HPCAL1: variants seen among roughly 807,000 people sequenced by gnomAD.
The protein encoded by HPCAL1 is hippocalcin like 1, also known as hippocalcin-like protein 1.
A neutral mutation model predicts 17.1 loss-of-function variants in HPCAL1; 8 were observed. That is an observed-to-expected ratio of 0.47 (90% CI 0.27 to 0.84). The LOEUF (loss-of-function observed/expected upper bound fraction) is 0.84. Ranked by LOEUF, HPCAL1 falls within the 40% of genes least tolerant of loss-of-function variation. The pLI is 0.13. For synonymous variants in HPCAL1, 112 were observed against 111.4 expected, an observed-to-expected ratio of 1.01 and a Z score of -0.03; for missense variants, 165 against 271.1, an observed-to-expected ratio of 0.61 and a Z score of 2.75.
At chr2:10,376,081 T>C (rs1667537882) in intron 1 of HPCAL1, among the ~76,000 whole-genome samples, 1 of 152,132 alleles carries the variant, frequency 6.6e-6, no homozygotes, top group Admixed American at 6.5e-5. Flanking sequence ...CCTATTCTTT[T>C]GTTCCCACTC....
At chr2:10,372,177 A>G (rs1053808345) in intron 1 of HPCAL1, among the ~76,000 whole-genome samples, 1 of 152,236 alleles carries the variant, frequency 6.6e-6, no homozygotes. Flanking sequence ...TCATTCCTCA[A>G]TCGGGGCTAA....
chr2:10,410,845 C>T (rs374286902), intron 2 of HPCAL1, among the ~76,000 whole-genome samples: 10 of 152,100 alleles, frequency 6.6e-5, no homozygotes, highest in Non-Finnish European at 1.2e-4. Flanking sequence ...TTTGCTCGGT[C>T]GTCTTACTAG....
chr2:10,398,674 C>T (rs1669220573), intron 2 of HPCAL1, among the ~76,000 whole-genome samples: 1 of 152,056 alleles, frequency 6.6e-6, no homozygotes, highest in African/African-American at 2.4e-5. Flanking sequence ...CACCCTCTGC[C>T]CGTCCCCTGC....
At chr2:10,321,921 G>A (rs139398624) in intron 1 of HPCAL1, among the ~76,000 whole-genome samples, 22 of 152,336 alleles carry the variant, frequency 1.4e-4, no homozygotes, top group African/African-American at 4.8e-4. Context: ...ACAATGCTGC[G>A]AGGAACAAGT....
chr2:10,343,512 T>A lies in HPCAL1; in HGVS notation c.-111+40335T>A, dbSNP rs1434611161. Among the ~76,000 whole-genome samples the A allele has an allele frequency of 6.6e-6, 1 of 152,184 alleles. No homozygotes were observed. The highest frequency in any genetic ancestry group is 1.5e-5 in the Non-Finnish European group (1 of 68,042). ...CAAGTGATTCCTGCTGTTCCCTGGGTCTTCCTTTCTTTTGCTTCTGAACTT... is the reference window on the plus strand; with the variant it reads ...CAAGTGATTCCTGCTGTTCCCTGGGACTTCCTTTCTTTTGCTTCTGAACTT... On this transcript the variant is annotated intron_variant, in intron 1 of 4. Transcript: ENST00000307845. This position sits in a 1 kb window ranked among gnomAD's most constrained non-coding sequence, Gnocchi z 4.8.
chr2:10,337,031 G>T (rs986507267), intron 1 of HPCAL1, among the ~76,000 whole-genome samples: 2 of 152,198 alleles, frequency 1.3e-5, no homozygotes, highest in African/African-American at 4.8e-5. Context: ...GGGATTACAG[G>T]TGTGAGCCAC....
rs954290623 is a variant in HPCAL1, at chr2:10,354,284, T to G, written c.-110-42551T>G. 6.6e-6 allele frequency: 1 copy of G among 152,248 alleles called. No individual in the cohort carries two copies. The highest frequency in any genetic ancestry group is 2.4e-5 in the African/African-American group (1 of 41,442). 9.4% of individuals were successfully genotyped at this position (152,248 alleles called of 1,614,324 possible). A position where few individuals can be genotyped will look rare whatever the true frequency, so the allele number is the denominator to read the frequency against. ...AGCCATGCAATCCTGCGTGTCCTCG[T>G]TCTTCATTCCACAAATACGTTCTAA... On this transcript the variant is annotated intron_variant, in intron 1 of 4. Transcript: ENST00000307845. This position sits in a 1 kb window ranked among gnomAD's most constrained non-coding sequence, Gnocchi z 5.1.
intron 2 of HPCAL1, among the ~76,000 whole-genome samples, chr2:10,400,092 T>C (rs971909031): frequency 6.6e-6 from 1 of 152,188 alleles, no homozygotes; most frequent in East Asian, 1.9e-4. Context: ...AGATGAGACC[T>C]GACCAAAGGC....
chr2:10,404,804 G>C (rs1456589181), intron 2 of HPCAL1, among the ~76,000 whole-genome samples: 1 of 152,202 alleles, frequency 6.6e-6, no homozygotes, highest in Admixed American at 6.5e-5. Context: ...CTAGGCCACC[G>C]TGGTCCCAGG....
intron 2 of HPCAL1, among the ~76,000 whole-genome samples, chr2:10,409,016 C>G (rs939814670): frequency 2.6e-5 from 4 of 152,066 alleles, no homozygotes; most frequent in Non-Finnish European, 4.4e-5. Context: ...CGTTAGATCC[C>G]AAATGGTATC....
rs1572619820 is a variant in HPCAL1 at position 10,315,162 on chromosome 2, G to A, written c.-111+11985G>A. Among the ~76,000 whole-genome samples the A allele has an allele frequency of 2.6e-5, 4 of 152,040 alleles. No homozygotes were observed. In the East Asian group the frequency reaches 7.7e-4, roughly 29 times the overall value. On this transcript the variant is annotated intron_variant, in intron 1 of 4. Coordinates refer to ENST00000307845, the MANE Select transcript of HPCAL1 (RefSeq NM_002149.4). ...AAAAAAATTAGCCGGGCGTGGTGGC[G>A]GGTGCCTGTAGTCCCAGCTACACGG...
intron 3 of HPCAL1, among the ~76,000 whole-genome samples, chr2:10,422,522 G>C (rs1035317459): frequency 1.3e-5 from 2 of 152,232 alleles, no homozygotes; most frequent in African/African-American, 4.8e-5. Flanking sequence ...CAGTGCTGCT[G>C]CTTCCTGTCC....
chr2:10,380,742 TGG>T (rs1667890392), intron 1 of HPCAL1, among the ~76,000 whole-genome samples: 1 of 152,116 alleles, frequency 6.6e-6, no homozygotes, highest in African/African-American at 2.4e-5. Context: ...AGATTCCAGG[TGG>T]GGCTGGAGGC....
At chr2:10,422,747 C>T (rs13430847) in intron 3 of HPCAL1, among the ~76,000 whole-genome samples, 33,435 of 152,150 alleles carry the variant, frequency 0.22, 4,129 homozygotes, top group African/African-American at 0.33. Context: ...GGCAGAGATA[C>T]CAGCACCCTC....
intron 1 of HPCAL1, among the ~76,000 whole-genome samples, chr2:10,347,668 C>G (rs1191557351): frequency 1.3e-5 from 2 of 152,160 alleles, no homozygotes; most frequent in African/African-American, 2.4e-5. Context: ...TTAAACACTC[C>G]AGCAGCAGCC....
chr2:10,341,867 G>A (rs115317428), intron 1 of HPCAL1, among the ~76,000 whole-genome samples: 25 of 152,256 alleles, frequency 1.6e-4, no homozygotes, highest in African/African-American at 5.1e-4. Flanking sequence ...TTATTTCAAA[G>A]TTTCTCTGGG....
intron 2 of HPCAL1, among the ~76,000 whole-genome samples, chr2:10,416,172 T>G (rs1010809016): frequency 2.6e-5 from 4 of 152,194 alleles, no homozygotes; most frequent in African/African-American, 7.2e-5. Context: ...TCAGGCTACC[T>G]TTGCAAATAG....
chr2:10,413,923 G>A (rs1380353327), intron 2 of HPCAL1, among the ~76,000 whole-genome samples: 8 of 152,262 alleles, frequency 5.3e-5, no homozygotes, highest in Non-Finnish European at 7.3e-5. Flanking sequence ...ATGCAGGGGT[G>A]CAAATCAGGC....
intron 2 of HPCAL1, among the ~76,000 whole-genome samples, chr2:10,399,984 G>C (rs1021480774): frequency 1.3e-5 from 2 of 152,188 alleles, no homozygotes; most frequent in Non-Finnish European, 2.9e-5. Context: ...GACAGACAGT[G>C]AACTCAACAA....
Sources: allele counts gnomAD v4.1 joint callset (sites outside exome capture counted in the v4.1 genomes callset), GRCh38; gene constraint gnomAD v4.1.1; non-coding constraint Gnocchi (gnomAD v3.1); transcripts MANE v1.5; gene names NCBI Gene and HGNC (gene_info 2026-07-23, HGNC 2026-07-21).